The following ERBB4 variants were observed in gnomAD, a reference collection of about 807,000 sequenced individuals.
The protein encoded by ERBB4 is receptor tyrosine-protein kinase erbB-4.
Under a neutral mutation model 158.0 loss-of-function variants are expected in ERBB4, and 42 were observed. The ratio of observed to expected loss-of-function variants is 0.27; its 90% CI spans 0.21 to 0.34. The LOEUF is 0.34. ERBB4 is among the 10% of genes least tolerant of loss of function. ERBB4 has a pLI of 1.00. For synonymous variants in ERBB4, 583 were observed against 558.7 expected (o/e 1.04, Z -0.61); for missense variants, 1,333 against 1,624.1 (o/e 0.82, Z 3.08).
chr2:212,188,239 C>T (rs113562167), intron 1 of ERBB4, among the ~76,000 whole-genome samples: 4,932 of 14,294 alleles, frequency 0.35, 1,095 homozygotes, highest in Non-Finnish European at 0.42. Flanking sequence ...TCTCTCCCCC[C>T]CCCTCTCACC....
At chr2:211,551,538 CACAAACTTCCAA>C (rs1278816273) in intron 20 of ERBB4, among the ~76,000 whole-genome samples, 1 of 152,066 alleles carries the variant, frequency 6.6e-6, no homozygotes, top group Non-Finnish European at 1.5e-5. Flanking sequence ...AACTGGTATT[CACAAACTTCCAA>C]ACAGTATTAA....
At chr2:212,049,536 G>T (rs570602135) in intron 2 of ERBB4, among the ~76,000 whole-genome samples, 1 of 151,994 alleles carries the variant, frequency 6.6e-6, no homozygotes, top group African/African-American at 2.4e-5. Context: ...TATAAACTAC[G>T]TTATGACAGT....
At chr2:212,369,846 T>G (rs1324127733) in intron 1 of ERBB4, among the ~76,000 whole-genome samples, 1 of 152,114 alleles carries the variant, frequency 6.6e-6, no homozygotes, top group Non-Finnish European at 1.5e-5. Flanking sequence ...CATGAGCCAC[T>G]GCATCTGGCT....
chr2:212,519,460 C>T (rs181260475), intron 1 of ERBB4, among the ~76,000 whole-genome samples: 11 of 150,660 alleles, frequency 7.3e-5, no homozygotes, highest in Non-Finnish European at 1.6e-4. Flanking sequence ...AAAGCTACTG[C>T]ACAAAATGAT....
rs114190703 is a variant in ERBB4, at chr2:212,282,774, T to A, written c.83-157871A>T. 6.2e-3 allele frequency among the ~76,000 whole-genome samples: 936 copies of A among 151,980 alleles called. 8 individuals are homozygous for A. Among genetic ancestry groups the A allele is most frequent in the African/African-American group, 0.021 (860 of 41,524 alleles). Reference sequence around the variant, plus strand: ...AAGTGGCTCCCCCAGGTGACTTTGGTAATTAGCCAAGTTTAGGAAACCTTG... The same window carrying A: ...AAGTGGCTCCCCCAGGTGACTTTGGAAATTAGCCAAGTTTAGGAAACCTTG... On this transcript the variant is annotated intron_variant, in intron 1 of 27. Coordinates refer to ENST00000342788, the MANE Select transcript of ERBB4 (RefSeq NM_005235.3).
chr2:211,700,057 C>G (rs866034724), intron 12 of ERBB4, among the ~76,000 whole-genome samples: 1 of 151,912 alleles, frequency 6.6e-6, no homozygotes, highest in African/African-American at 2.4e-5. Context: ...TTATATATTT[C>G]TTTACATTAT....
intron 19 of ERBB4, among the ~76,000 whole-genome samples, chr2:211,617,540 A>G (rs942510529): frequency 6.6e-6 from 1 of 152,128 alleles, no homozygotes; most frequent in African/African-American, 2.4e-5. Flanking sequence ...TAGATATGCA[A>G]CAAGGTGATA....
intron 1 of ERBB4, among the ~76,000 whole-genome samples, chr2:212,313,587 G>A (rs1262385548): frequency 6.6e-6 from 1 of 150,656 alleles, no homozygotes; most frequent in Non-Finnish European, 1.5e-5. Context: ...TAAAATAATA[G>A]ATGTAATTCA....
chr2:212,221,292 G>A (rs114864215), intron 1 of ERBB4, among the ~76,000 whole-genome samples: 3 of 151,562 alleles, frequency 2.0e-5, no homozygotes, highest in Admixed American at 1.3e-4. Flanking sequence ...AGCATTAAAT[G>A]AATATGTAAC....
rs557419897 is a variant in ERBB4, at chr2:212,485,933, C to G, written c.82+52516G>C. ...TGACCAAACCACCTCTCAAAAGGCC[C>G]CATCTCCTAATACCACTGCCTCAGT... On this transcript the variant is annotated intron_variant, in intron 1 of 27. Transcript: ENST00000342788. 4.6e-5 allele frequency among the ~76,000 whole-genome samples: 7 copies of G among 152,024 alleles called. No homozygotes were observed. In the South Asian group the frequency reaches 1.5e-3, roughly 32 times the overall value.
At chr2:211,680,106 G>A (rs913815697) in intron 12 of ERBB4, among the ~76,000 whole-genome samples, 1 of 152,212 alleles carries the variant, frequency 6.6e-6, no homozygotes, top group Non-Finnish European at 1.5e-5. Context: ...TATTTATGCA[G>A]AAGTGTAGAG....
At chr2:211,476,290 A>G (rs533398742) in intron 20 of ERBB4, among the ~76,000 whole-genome samples, 11 of 152,130 alleles carry the variant, frequency 7.2e-5, no homozygotes, top group Non-Finnish European at 1.5e-4. Flanking sequence ...TACAAAAGCT[A>G]GAAAGATACA....
chr2:211,580,898 T>C (rs1173480503), intron 19 of ERBB4, among the ~76,000 whole-genome samples: 307 of 5,142 alleles, frequency 0.06, 65 homozygotes, highest in African/African-American at 0.34. Context: ...TATATATATA[T>C]ATATATATAT....
Position 211,504,975 on chromosome 2 carries a change from A to C in ERBB4, c.2487+56928T>G, listed in dbSNP as rs114881766. ...TGAAAAGCAACCAAACTGAAGACTT[A>C]AAAACATTCTTGAGGGAGAAGATGA... On this transcript the variant is annotated intron_variant, in intron 20 of 27. Transcript: ENST00000342788. Among the ~76,000 whole-genome samples, 866 of 152,254 alleles carry C rather than the reference A, an allele frequency of 5.7e-3. 7 individuals carry two copies. The highest frequency in any genetic ancestry group is 0.02 in the African/African-American group (819 of 41,584).
At chr2:211,764,450 G>A (rs527953435) in intron 4 of ERBB4, among the ~76,000 whole-genome samples, 35 of 152,230 alleles carry the variant, frequency 2.3e-4, no homozygotes, top group Non-Finnish European at 4.0e-4. Flanking sequence ...GAAAGCCCTC[G>A]TTAGCTAGCA....
chr2:211,673,426 T>G (rs1338111667), intron 13 of ERBB4, among the ~76,000 whole-genome samples, 169 bp from the exon 14 acceptor site: 1 of 149,718 alleles, frequency 6.7e-6, no homozygotes, highest in Non-Finnish European at 1.5e-5. Context: ...AAAGATAAAC[T>G]GCAGCCAGAT....
intron 1 of ERBB4, among the ~76,000 whole-genome samples, chr2:212,527,200 G>A (rs11896223): frequency 1.0e-3 from 159 of 152,062 alleles, no homozygotes; most frequent in African/African-American, 3.8e-3. Context: ...CAAGAAAATA[G>A]ATATATACCT....
chr2:212,524,617 CTCA>C (rs1692347153), intron 1 of ERBB4, among the ~76,000 whole-genome samples: 1 of 151,998 alleles, frequency 6.6e-6, no homozygotes, highest in African/African-American at 2.4e-5. Flanking sequence ...CTAGGCCTCA[CTCA>C]TATGATTTTC....
intron 1 of ERBB4, among the ~76,000 whole-genome samples, chr2:212,444,560 G>A (rs1018522228): frequency 6.6e-6 from 1 of 152,208 alleles, no homozygotes; most frequent in African/African-American, 2.4e-5. Context: ...GGTGACCTCA[G>A]CAGAGGAGGA....
Sources: allele counts gnomAD v4.1 joint callset (sites outside exome capture counted in the v4.1 genomes callset), GRCh38; gene constraint gnomAD v4.1.1; transcripts MANE v1.5; gene names NCBI Gene and HGNC (gene_info 2026-07-23, HGNC 2026-07-21).